GALC: variants seen among roughly 807,000 people sequenced by gnomAD.
GALC encodes the protein galactocerebrosidase.
A neutral mutation model predicts 91.8 loss-of-function variants in GALC; 77 were observed. The ratio of observed to expected loss-of-function variants is 0.84; its 90% CI spans 0.70 to 1.01. The LOEUF is 1.01. GALC is among the 50% of genes least tolerant of loss of function. The probability of loss-of-function intolerance (pLI) is 0.00; values close to 1 mark genes in which losing one functional copy is unlikely to be tolerated. For synonymous variants in GALC, 357 were observed against 306.7 expected, an observed-to-expected ratio of 1.16 and a Z score of -1.71; for missense variants, 882 against 855.9, an observed-to-expected ratio of 1.03 and a Z score of -0.38.
At chr14:87,975,757 T>TACATAC (rs1886467333) in intron 7 of GALC, among the ~76,000 whole-genome samples, 1 of 149,934 alleles carries the variant, frequency 6.7e-6, no homozygotes, top group Non-Finnish European at 1.5e-5. Flanking sequence ...CACACATACA[T>TACATAC]ACACACACAC....
intron 16 of GALC, among the ~76,000 whole-genome samples, chr14:87,936,564 T>C (rs1253305336): frequency 6.6e-6 from 1 of 151,912 alleles, no homozygotes; most frequent in East Asian, 1.9e-4. Context: ...TGCCAACCCC[T>C]GTCCTAGAAG....
chr14:87,959,371 T>C (rs934608232), intron 10 of GALC, among the ~76,000 whole-genome samples: 2 of 152,208 alleles, frequency 1.3e-5, no homozygotes, highest in Non-Finnish European at 2.9e-5. Flanking sequence ...TTCATGTTGT[T>C]AGGGTTGTAA....
At chr14:87,954,377 C>A (rs528000195) in intron 10 of GALC, 2 of 1,601,176 alleles carry the variant, frequency 1.2e-6, no homozygotes, top group Admixed American at 1.7e-5. Flanking sequence ...GGAACAGGCC[C>A]AAGATCAACA....
intron 10 of GALC, among the ~76,000 whole-genome samples, chr14:87,957,510 T>C (rs1885607024): frequency 6.6e-6 from 1 of 152,170 alleles, no homozygotes; most frequent in Admixed American, 6.5e-5. Flanking sequence ...ATTTATTAAA[T>C]AGGATGTCCT....
At position 87,953,740 on chromosome 14, in the gene GALC, C is replaced by A. The variant is rs1247541649; in HGVS notation, c.1162-2992G>T. 6.2e-6 allele frequency: 10 copies of A among 1,605,650 alleles called. No homozygotes were observed. In the African/African-American group the frequency reaches 1.2e-4, roughly 19 times the overall value. ...AGGAGATTCTGTTGTAGAAATGGATCAGAGGAATGTGTCTGAATTTAAGGG... is the reference window on the plus strand; with the variant it reads ...AGGAGATTCTGTTGTAGAAATGGATAAGAGGAATGTGTCTGAATTTAAGGG... On this transcript the variant is annotated intron_variant, in intron 10 of 16. Coordinates refer to ENST00000261304, the MANE Select transcript of GALC (RefSeq NM_000153.4).
chr14:87,986,369 C>T (rs1433283933), intron 4 of GALC, 120 bp downstream of exon 4: 3 of 718,934 alleles, frequency 4.2e-6, no homozygotes, highest in African/African-American at 3.5e-5. Context: ...TGGTAGCATA[C>T]TGGTAGCATT....
intron 14 of GALC, among the ~76,000 whole-genome samples, chr14:87,942,898 G>T (rs1014887238): frequency 6.6e-6 from 1 of 151,970 alleles, no homozygotes; most frequent in African/African-American, 2.4e-5. Context: ...TCTCTCCATA[G>T]ATTATCACCA....
chr14:87,980,426 G>T, intron 6 of GALC: 17 of 689,082 alleles, frequency 2.5e-5, no homozygotes, highest in Non-Finnish European at 3.0e-5. Flanking sequence ...TTAGCTTACT[G>T]ATGGGGGTCA....
rs1269653018 is a variant in GALC, at chr14:87,968,447, T to C, written c.796A>G (p.Thr266Ala). 1 of 1,613,708 alleles carries C rather than the reference T, an allele frequency of 6.2e-7. No individual in the cohort carries two copies. Among genetic ancestry groups the C allele is most frequent in the African/African-American group, 1.3e-5 (1 of 74,884 alleles). Residue 266 changes from threonine to alanine, a missense_variant, in exon 8 of 17, where the codon ACT becomes GCT. By Grantham distance (58) the Thr-to-Ala change is moderately conservative (BLOSUM62 0). Coordinates refer to ENST00000261304, the MANE Select transcript of GALC (RefSeq NM_000153.4). ...GTHSAKDAKL[T>A]GKKLWSSEDF... ...TCAGAAGACCAAAGCTTCTTCCCAG[T>C]CAACTTTGCATCTTTTGCTGAATGG...
intron 13 of GALC, among the ~76,000 whole-genome samples, chr14:87,947,108 C>A (rs1212347649): frequency 6.6e-6 from 1 of 152,006 alleles, no homozygotes; most frequent in Non-Finnish European, 1.5e-5. Flanking sequence ...CATAAACCTA[C>A]AGAACACCAC....
chr14:87,940,095 C>A, intron 15 of GALC, 114 bp from the exon 16 acceptor site: 1 of 831,434 alleles, frequency 1.2e-6, no homozygotes, highest in East Asian at 2.5e-5. Flanking sequence ...TCAGCCTCAA[C>A]AGAGAGCTAT....
chr14:87,937,578 G>A (rs1202918923), intron 16 of GALC, among the ~76,000 whole-genome samples: 1 of 151,742 alleles, frequency 6.6e-6, no homozygotes, highest in Non-Finnish European at 1.5e-5. Context: ...TAAAAGTAAT[G>A]AATCACATTG....
intron 7 of GALC, among the ~76,000 whole-genome samples, chr14:87,973,514 G>A (rs1886377721): frequency 6.6e-6 from 1 of 152,120 alleles, no homozygotes; most frequent in Admixed American, 6.5e-5. Flanking sequence ...ACTTGTAGCT[G>A]TCAAATCAAT....
intron 12 of GALC, among the ~76,000 whole-genome samples, chr14:87,949,177 TGAA>T (rs1885204046): frequency 6.7e-6 from 1 of 149,348 alleles, no homozygotes; most frequent in Non-Finnish European, 1.5e-5. Context: ...CCATTCTAGG[TGAA>T]GAACACAGTA....
chr14:87,962,578 TACACACACACACACACACACACACAC>T (rs36205603), intron 10 of GALC, among the ~76,000 whole-genome samples: 8 of 146,438 alleles, frequency 5.5e-5, no homozygotes, highest in Non-Finnish European at 7.5e-5. Context: ...CCTGATATGA[TACACACACACACACACACACACACAC>T]ACACACACAC....
In GALC at chr14:87,992,962, C is replaced by A; in HGVS notation, c.195+8G>T. The A allele has an allele frequency of 6.6e-7, 1 of 1,513,680 alleles. No individual in the cohort carries two copies. Among genetic ancestry groups the A allele is most frequent in the South Asian group, 1.2e-5 (1 of 81,644 alleles). The allele number at this position is 1,513,680 out of a possible 1,614,324, so 93.8% of individuals were successfully genotyped here. ...GCCCCCCGCGTATCCCCGCAGCTTG[C>A]CGCTCACCCCGCCGCCGCTGACCGC... On this transcript the variant is annotated splice_region_variant and intron_variant, in intron 1 of 16. Coordinates refer to ENST00000261304, the MANE Select transcript of GALC (RefSeq NM_000153.4).
At chr14:87,992,913 G>A (rs1177610252) in intron 1 of GALC, 57 bp downstream of exon 1, 3 of 1,470,722 alleles carry the variant, frequency 2.0e-6, no homozygotes, top group Non-Finnish European at 2.7e-6. Flanking sequence ...TTGTGGGGCT[G>A]GCCCCACGGG....
At chr14:87,969,081 G>T (rs752194638) in intron 7 of GALC, among the ~76,000 whole-genome samples, 1 of 152,158 alleles carries the variant, frequency 6.6e-6, no homozygotes, top group Non-Finnish European at 1.5e-5. Flanking sequence ...TGAATAAAAA[G>T]AATAAGCTAC....
At chr14:87,970,496 T>C (rs891851225) in intron 7 of GALC, among the ~76,000 whole-genome samples, 3 of 152,086 alleles carry the variant, frequency 2.0e-5, no homozygotes, top group Admixed American at 1.3e-4. Context: ...ACCCAAATGA[T>C]TTATTACATG....
Sources: gnomAD v4.1 joint callset for allele counts (sites outside exome capture counted in the v4.1 genomes callset) on GRCh38, gnomAD v4.1.1 for gene constraint, MANE v1.5 for transcripts, NCBI Gene and HGNC (gene_info 2026-07-23, HGNC 2026-07-21) for gene names.